AP1B1: variants seen among roughly 807,000 people sequenced by gnomAD.
AP1B1 encodes adaptor related protein complex 1 subunit beta 1, also known as AP-1 complex subunit beta-1.
Under a neutral mutation model 104.3 loss-of-function variants are expected in AP1B1, and 36 were observed. The observed-to-expected ratio is 0.35, with a 90% CI of 0.26 to 0.46. The LOEUF (loss-of-function observed/expected upper bound fraction) is 0.46, where lower values mean the gene tolerates loss of function less well. AP1B1 is among the 20% of genes least tolerant of loss of function. The probability of loss-of-function intolerance (pLI) is 1.00; values close to 1 mark genes in which losing one functional copy is unlikely to be tolerated. For missense variants in AP1B1, 901 were observed against 1,247.9 expected (o/e 0.72, Z 4.19); for synonymous variants, 504 against 517.5 (o/e 0.97, Z 0.35).
In AP1B1 at chr22:29,379,004, C is replaced by G. The variant is rs552829880; in HGVS notation, c.-28+9420G>C. Among the ~76,000 whole-genome samples, 3 of 152,168 alleles carry G rather than the reference C, an allele frequency of 2.0e-5. No individual in the cohort carries two copies. In the South Asian group the frequency reaches 6.2e-4, roughly 32 times the overall value. ...AGTCTCTAGAACTCCATTCTAGAAT[C>G]AGGTACCAGTTCTGAACTGATCTAT... On this transcript the variant is annotated intron_variant, in intron 1 of 22. Coordinates refer to ENST00000357586, the MANE Select transcript of AP1B1 (RefSeq NM_001127.4).
chr22:29,376,588 T>A (rs1274871522), intron 1 of AP1B1, among the ~76,000 whole-genome samples: 1 of 152,134 alleles, frequency 6.6e-6, no homozygotes, highest in Non-Finnish European at 1.5e-5. Flanking sequence ...AATGAATGAA[T>A]AGCTGTCAGA....
chr22:29,370,015 CA>C (rs2062207285), intron 1 of AP1B1, among the ~76,000 whole-genome samples: 1 of 151,244 alleles, frequency 6.6e-6, no homozygotes, highest in South Asian at 2.1e-4. Flanking sequence ...GTGTAACTGC[CA>C]AAAGTATCCA....
In AP1B1 at chr22:29,328,609, G is replaced by A; in HGVS notation, c.*212C>T. On this transcript the variant is annotated 3_prime_UTR_variant, in exon 23 of 23. Coordinates refer to ENST00000357586, the MANE Select transcript of AP1B1 (RefSeq NM_001127.4). The surrounding 1 kb of genome is among the most constrained non-coding windows in gnomAD (Gnocchi z 4.1). ...ACATCACAGCCACAGGAGCAGGGGT[G>A]TCCCAGAGCACGGGAGTGCACTGCG... 2 of 569,760 alleles carry A rather than the reference G, an allele frequency of 3.5e-6. No individual in the cohort carries two copies. The highest frequency in any genetic ancestry group is 6.2e-6 in the Non-Finnish European group (2 of 323,120). 35.3% of individuals were successfully genotyped at this position (569,760 alleles called of 1,614,324 possible). A position where few individuals can be genotyped will look rare whatever the true frequency, so the allele number is the denominator to read the frequency against.
chr22:29,383,099 G>A (rs1248705908), intron 1 of AP1B1, among the ~76,000 whole-genome samples: 2 of 152,166 alleles, frequency 1.3e-5, no homozygotes, highest in Admixed American at 1.3e-4. Context: ...TATCTGGCCT[G>A]TTGACCTATC....
intron 1 of AP1B1, among the ~76,000 whole-genome samples, chr22:29,384,879 A>G (rs760456997): frequency 5.3e-5 from 8 of 152,160 alleles, no homozygotes; most frequent in Non-Finnish European, 1.2e-4. Context: ...AAAAAAAAAA[A>G]GAGCTATTTA....
chr22:29,344,110 C>CAAAAAAA (rs58337637), intron 11 of AP1B1, among the ~76,000 whole-genome samples: 1 of 89,752 alleles, frequency 1.1e-5, no homozygotes, highest in African/African-American at 4.0e-5. Flanking sequence ...GACTTTGTCT[C>CAAAAAAA]AAAAAAAAAA....
intron 9 of AP1B1, 116 bp downstream of exon 9, chr22:29,351,055 G>T: frequency 1.0e-6 from 1 of 978,632 alleles, no homozygotes; most frequent in Non-Finnish European, 1.6e-6. Flanking sequence ...CCAGTGATGA[G>T]CCTCAGGCCT....
intron 1 of AP1B1, among the ~76,000 whole-genome samples, chr22:29,375,863 G>T (rs1286500931): frequency 6.6e-6 from 1 of 152,234 alleles, no homozygotes; most frequent in African/African-American, 2.4e-5. Flanking sequence ...GAGGCCTAGA[G>T]CCTGGCTCAT....
chr22:29,379,812 G>A (rs1042822051), intron 1 of AP1B1, among the ~76,000 whole-genome samples: 14 of 152,192 alleles, frequency 9.2e-5, no homozygotes, highest in African/African-American at 3.4e-4. Flanking sequence ...TGACAACGGA[G>A]GGAACTGACA....
chr22:29,358,706 G>A lies in AP1B1; in HGVS notation c.525+20C>T, dbSNP rs751052694. 11 of 1,602,672 alleles carry A rather than the reference G, an allele frequency of 6.9e-6. No homozygotes were observed. The highest frequency in any genetic ancestry group is 3.3e-5 in the South Asian group (3 of 90,174). On this transcript the variant is annotated intron_variant, in intron 5 of 22. Transcript: ENST00000357586. ...ACCCAGGAGGTGGTGGAGGTAGCAC[G>A]GTGGGTGGCAGTGGCTTACCATGGG...
intron 10 of AP1B1, 145 bp downstream of exon 10, chr22:29,349,890 G>T: frequency 1.4e-6 from 1 of 690,080 alleles, no homozygotes; most frequent in Non-Finnish European, 2.5e-6. Context: ...CAGTGTGGAC[G>T]AAATAAAAAA....
At chr22:29,386,493 A>G (rs2062524981) in intron 1 of AP1B1, among the ~76,000 whole-genome samples, 1 of 152,134 alleles carries the variant, frequency 6.6e-6, no homozygotes, top group Non-Finnish European at 1.5e-5. Flanking sequence ...GGTGGGCTCA[A>G]CTCAGGACAG....
intron 2 of AP1B1, among the ~76,000 whole-genome samples, chr22:29,366,393 T>C (rs2062136710): frequency 6.6e-6 from 1 of 152,158 alleles, no homozygotes; most frequent in Non-Finnish European, 1.5e-5. Context: ...ATCCCAGCAC[T>C]TTGGGAGGCT....
At chr22:29,346,176 G>A (rs1030832160) in intron 11 of AP1B1, among the ~76,000 whole-genome samples, 30 of 152,334 alleles carry the variant, frequency 2.0e-4, no homozygotes, top group Admixed American at 1.6e-3. Context: ...ACAGGGAGGA[G>A]GAGCTTGGAT....
At chr22:29,384,777 A>C (rs773955799) in intron 1 of AP1B1, among the ~76,000 whole-genome samples, 5 of 152,140 alleles carry the variant, frequency 3.3e-5, no homozygotes, top group African/African-American at 7.2e-5. Context: ...CTAAGGCATG[A>C]GAATTGCTTG....
intron 11 of AP1B1, among the ~76,000 whole-genome samples, chr22:29,348,348 GTTT>G (rs1175279164): frequency 6.6e-6 from 1 of 152,192 alleles, no homozygotes; most frequent in Non-Finnish European, 1.5e-5. Context: ...TTAGTGCCAT[GTTT>G]TTCACATTTT....
At position 29,331,334 on chromosome 22, in the gene AP1B1, G is replaced by C. The variant is rs536894837; in HGVS notation, c.2524+115C>G. ...CCCTGCAGGGAAGCAGCAACTCCCC[G>C]ACTCCATTTACGGGCAAGGCAGTCC... On this transcript the variant is annotated intron_variant, in intron 19 of 22. Coordinates refer to ENST00000357586, the MANE Select transcript of AP1B1 (RefSeq NM_001127.4). 2.0e-4 allele frequency: 206 copies of C among 1,047,734 alleles called. 1 individual carries two copies. In the African/African-American group the frequency reaches 3.0e-3, roughly 15 times the overall value. 64.9% of individuals were successfully genotyped at this position (1,047,734 alleles called of 1,614,324 possible). A position where few individuals can be genotyped will look rare whatever the true frequency, so the allele number is the denominator to read the frequency against.
chr22:29,353,017 C>T (rs1383094269), intron 7 of AP1B1, among the ~76,000 whole-genome samples: 5 of 152,104 alleles, frequency 3.3e-5, no homozygotes, highest in South Asian at 4.1e-4. Flanking sequence ...CTGCCTTCCG[C>T]GAGTATCACC....
chr22:29,359,747 G>A, intron 4 of AP1B1, 77 bp downstream of exon 4: 1 of 1,537,240 alleles, frequency 6.5e-7, no homozygotes, highest in African/African-American at 1.4e-5. Flanking sequence ...GTGCCACAGG[G>A]CCCCGCCCCA....
Sources: gnomAD v4.1 joint callset for allele counts (sites outside exome capture counted in the v4.1 genomes callset) on GRCh38, gnomAD v4.1.1 for gene constraint, Gnocchi (gnomAD v3.1) non-coding constraint, MANE v1.5 for transcripts, NCBI Gene and HGNC (gene_info 2026-07-23, HGNC 2026-07-21) for gene names.